The following SRFBP1 variants were observed in gnomAD, a reference collection of about 807,000 sequenced individuals.
The protein encoded by SRFBP1 is serum response factor binding protein 1.
A neutral mutation model predicts 45.5 loss-of-function variants in SRFBP1; 47 were observed. The ratio of observed to expected loss-of-function variants is 1.03; its 90% CI spans 0.82 to 1.32. The LOEUF is 1.32. Among genes scored for constraint, SRFBP1 ranks in the 40% most tolerant of loss-of-function variants. The pLI is 0.00. For missense variants in SRFBP1, 621 were observed against 484.6 expected (o/e 1.28, Z -2.64); for synonymous variants, 203 against 166.3 (o/e 1.22, Z -1.70).
intron 2 of SRFBP1, among the ~76,000 whole-genome samples, chr5:121,975,055 A>G (rs1752273529): frequency 1.3e-5 from 2 of 151,976 alleles, no homozygotes; most frequent in African/African-American, 4.8e-5. Flanking sequence ...GGAACTAGAG[A>G]AGGCAAACTA....
chr5:122,011,206 G>A (rs1205194850), intron 4 of SRFBP1, among the ~76,000 whole-genome samples: 1 of 151,554 alleles, frequency 6.6e-6, no homozygotes, highest in East Asian at 1.9e-4. Context: ...TTCATTTTTG[G>A]GTTATTTACA....
chr5:122,069,588 A>G (rs1202471212), intron 2 of SRFBP1, among the ~76,000 whole-genome samples: 1 of 152,122 alleles, frequency 6.6e-6, no homozygotes, highest in African/African-American at 2.4e-5. Context: ...ACTCAAATAT[A>G]TGACATCTTG....
intron 3 of SRFBP1, among the ~76,000 whole-genome samples, chr5:121,988,537 G>C (rs76243029): frequency 0.082 from 12,551 of 152,232 alleles, 826 homozygotes; most frequent in African/African-American, 0.18. Context: ...CCCATCATAA[G>C]GTAACAACAT....
chr5:122,013,639 G>C (rs1179213844), intron 4 of SRFBP1, among the ~76,000 whole-genome samples: 2 of 152,132 alleles, frequency 1.3e-5, no homozygotes, highest in Admixed American at 1.3e-4. Flanking sequence ...GATGTTTATA[G>C]AAAGGGACGT....
chr5:122,057,119 C>G (rs938373035), intron 2 of SRFBP1, among the ~76,000 whole-genome samples: 1 of 152,138 alleles, frequency 6.6e-6, no homozygotes, highest in Non-Finnish European at 1.5e-5. Context: ...TTCCAGTAAC[C>G]TCTTTGAAAA....
At chr5:122,046,720 CT>C (rs1753866475) in intron 2 of SRFBP1, among the ~76,000 whole-genome samples, 1 of 152,194 alleles carries the variant, frequency 6.6e-6, no homozygotes, top group South Asian at 2.1e-4. Flanking sequence ...TGTTTCCTGA[CT>C]TTTTAATGTT....
intron 4 of SRFBP1, among the ~76,000 whole-genome samples, chr5:122,015,873 A>G (rs1240594170): frequency 4.6e-5 from 7 of 152,090 alleles, no homozygotes; most frequent in Admixed American, 4.6e-4. Context: ...GTAGGTAAAG[A>G]TTTAGATCTC....
intron 2 of SRFBP1, among the ~76,000 whole-genome samples, chr5:121,974,569 G>A (rs966185263): frequency 2.0e-5 from 3 of 151,936 alleles, no homozygotes; most frequent in African/African-American, 7.2e-5. Flanking sequence ...GGGCTTGTGT[G>A]TTTTGTGTTA....
chr5:121,987,834 C>CCACA (rs915861072), intron 3 of SRFBP1, among the ~76,000 whole-genome samples: 1 of 152,164 alleles, frequency 6.6e-6, no homozygotes, highest in African/African-American at 2.4e-5. Context: ...ATCTCCCTTC[C>CCACA]CACAGCACAA....
At position 122,053,241 on chromosome 5, in the gene SRFBP1, G is replaced by C. The variant is rs117923911; in HGVS notation, n.312-22074G>C. On this transcript the variant is annotated intron_variant and non_coding_transcript_variant, in intron 2 of 2. Transcript: ENST00000504881. ...TTGGAAGCTTTAGCAGGTGTGTCCTGTCTGGCTTTAGGAGGCAGGGCTGGA... is the reference window on the plus strand; with the variant it reads ...TTGGAAGCTTTAGCAGGTGTGTCCTCTCTGGCTTTAGGAGGCAGGGCTGGA... Among the ~76,000 whole-genome samples, 87 of 152,294 alleles carry C rather than the reference G, an allele frequency of 5.7e-4. 1 individual carries two copies. The East Asian group carries it at 0.015, about 25-fold the overall frequency.
At chr5:122,077,704 G>C, downstream of SRFBP1, 1 of 1,592,472 alleles carries the variant, frequency 6.3e-7, no homozygotes, top group Non-Finnish European at 8.5e-7. This position sits in a 1 kb window ranked among gnomAD's most constrained non-coding sequence, Gnocchi z 4.9. Context: ...GGTTGTCGCG[G>C]ATCAGCAGGA....
chr5:122,035,600 A>G (rs1168025698), intron 2 of SRFBP1, among the ~76,000 whole-genome samples: 1 of 152,140 alleles, frequency 6.6e-6, no homozygotes, highest in Non-Finnish European at 1.5e-5. Context: ...ATGATTTTGT[A>G]ATTTTTTCTA....
chr5:121,990,629 C>G (rs1338832330), intron 3 of SRFBP1, among the ~76,000 whole-genome samples: 1 of 152,158 alleles, frequency 6.6e-6, no homozygotes, highest in Non-Finnish European at 1.5e-5. Flanking sequence ...TGGTCCAGTT[C>G]TGTTCAACAT....
chr5:121,973,359 A>G (rs542708159), intron 1 of SRFBP1, among the ~76,000 whole-genome samples: 20 of 151,998 alleles, frequency 1.3e-4, no homozygotes, highest in African/African-American at 3.9e-4. Context: ...TGAATTTTAT[A>G]TAGTTCCTAA....
In SRFBP1 at chr5:122,073,474, A is replaced by G. The variant is rs973552886; in HGVS notation, n.312-1841A>G. 2.0e-5 allele frequency among the ~76,000 whole-genome samples: 3 copies of G among 152,186 alleles called. No individual in the cohort carries two copies. In the South Asian group the frequency reaches 6.2e-4, roughly 32 times the overall value. ...TTTTAAAGAAACTTATTTTTCCTCC[A>G]TTTGCTAACCGCAACCACTATTCTA... On this transcript the variant is annotated intron_variant and non_coding_transcript_variant, in intron 2 of 2. Transcript: ENST00000504881.
At chr5:122,055,466 C>A (rs1754062108) in intron 2 of SRFBP1, among the ~76,000 whole-genome samples, 1 of 152,188 alleles carries the variant, frequency 6.6e-6, no homozygotes, top group South Asian at 2.1e-4. Flanking sequence ...GGAGCTCAAT[C>A]ATTTGTAAAT....
Position 122,027,715 on chromosome 5 carries a change from G to A in SRFBP1, c.*589G>A, listed in dbSNP as rs1753513914. ...TCATTCTTGTTAGCAAACTAAAATA[G>A]TAACTTTTATTATGGATGTACAGAT... On this transcript the variant is annotated 3_prime_UTR_variant, in exon 8 of 8. Coordinates refer to ENST00000339397, the MANE Select transcript of SRFBP1 (RefSeq NM_152546.3). 6.6e-6 allele frequency: 1 copy of A among 152,020 alleles called. No individual in the cohort carries two copies. Among genetic ancestry groups the A allele is most frequent in the Non-Finnish European group, 1.5e-5 (1 of 68,000 alleles). 9.4% of individuals were successfully genotyped at this position (152,020 alleles called of 1,614,324 possible). A position where few individuals can be genotyped will look rare whatever the true frequency, so the allele number is the denominator to read the frequency against.
At chr5:122,064,633 T>C (rs1240869807) in intron 2 of SRFBP1, 1 of 151,984 alleles carries the variant, frequency 6.6e-6, no homozygotes, top group Admixed American at 6.6e-5. Context: ...TTCATAGACA[T>C]GTAATTTTAT....
intron 1 of SRFBP1, among the ~76,000 whole-genome samples, chr5:121,968,423 C>T (rs193191491): frequency 7.6e-4 from 116 of 152,034 alleles, no homozygotes; most frequent in African/African-American, 2.7e-3. Context: ...TTTGGCTAAC[C>T]GCAGGTAACT....
Sources: gnomAD v4.1 joint callset for allele counts (sites outside exome capture counted in the v4.1 genomes callset) on GRCh38, gnomAD v4.1.1 for gene constraint, Gnocchi (gnomAD v3.1) non-coding constraint, MANE v1.5 for transcripts, NCBI Gene and HGNC (gene_info 2026-07-23, HGNC 2026-07-21) for gene names.